COL25A1: variants seen among roughly 807,000 people sequenced by gnomAD.
The protein encoded by COL25A1 is collagen type XXV alpha 1 chain.
Under a neutral mutation model 128.4 loss-of-function variants are expected in COL25A1, and 103 were observed. The observed-to-expected ratio is 0.80, with a 90% CI of 0.68 to 0.94. The LOEUF (loss-of-function observed/expected upper bound fraction) is 0.94, where lower values mean the gene tolerates loss of function less well. Ranked by LOEUF, COL25A1 falls within the 40% of genes least tolerant of loss-of-function variation. The probability of loss-of-function intolerance (pLI) is 0.00; values close to 1 mark genes in which losing one functional copy is unlikely to be tolerated. For missense variants in COL25A1, 745 were observed against 840.0 expected (o/e 0.89, Z 1.40); for synonymous variants, 279 against 277.2 (o/e 1.01, Z -0.06).
chr4:109,211,306 A>C (rs867841415), intron 3 of COL25A1, among the ~76,000 whole-genome samples: 1 of 53,458 alleles, frequency 1.9e-5, no homozygotes, highest in African/African-American at 1.5e-4. Context: ...ATATATATAT[A>C]TATATATATA....
chr4:109,175,306 T>C (rs953995385), intron 3 of COL25A1, among the ~76,000 whole-genome samples: 1 of 152,228 alleles, frequency 6.6e-6, no homozygotes, highest in Non-Finnish European at 1.5e-5. Flanking sequence ...TGCGTTTTTA[T>C]GCAGTTAATA....
At chr4:108,888,269 T>A (rs1741058931) in intron 18 of COL25A1, among the ~76,000 whole-genome samples, 1 of 152,166 alleles carries the variant, frequency 6.6e-6, no homozygotes, top group Non-Finnish European at 1.5e-5. Context: ...AAACCTTATT[T>A]TACTACATCT....
intron 5 of COL25A1, among the ~76,000 whole-genome samples, chr4:109,030,214 A>T (rs1252587648): frequency 1.3e-5 from 2 of 152,196 alleles, no homozygotes; most frequent in East Asian, 3.9e-4. Flanking sequence ...AAGATAGGCT[A>T]TGAAAGAAAT....
At chr4:108,861,106 C>G in intron 22 of COL25A1, 135 bp from the exon 23 acceptor site, 1 of 675,124 alleles carries the variant, frequency 1.5e-6, no homozygotes, top group Non-Finnish European at 2.6e-6. Context: ...CAACCACCAC[C>G]AAAATAGCAA....
chr4:109,206,566 A>T (rs1450085418), intron 3 of COL25A1, among the ~76,000 whole-genome samples: 1 of 152,190 alleles, frequency 6.6e-6, no homozygotes, highest in African/African-American at 2.4e-5. Context: ...TCTAACAAAA[A>T]TCTCATCTCT....
At chr4:109,301,424 G>C (rs1002883004) in intron 2 of COL25A1, among the ~76,000 whole-genome samples, 2 of 151,982 alleles carry the variant, frequency 1.3e-5, no homozygotes, top group African/African-American at 4.8e-5. Flanking sequence ...GTTTGACTTA[G>C]GACAACTAAA....
intron 3 of COL25A1, among the ~76,000 whole-genome samples, chr4:109,178,241 C>G (rs1194551928): frequency 6.6e-6 from 1 of 152,136 alleles, no homozygotes; most frequent in Non-Finnish European, 1.5e-5. Context: ...TACATTTCGC[C>G]TAAAGAATCA....
chr4:109,147,593 G>A (rs1380635803), intron 3 of COL25A1, among the ~76,000 whole-genome samples: 3 of 152,148 alleles, frequency 2.0e-5, no homozygotes, highest in African/African-American at 4.8e-5. Flanking sequence ...AGGGAGGGCA[G>A]ATCACTTGAG....
intron 8 of COL25A1, among the ~76,000 whole-genome samples, chr4:108,968,632 T>C (rs2125982269): frequency 6.6e-6 from 1 of 152,240 alleles, no homozygotes; most frequent in Non-Finnish European, 1.5e-5. Flanking sequence ...TCTAGGGCAG[T>C]ACTCTTCTTA....
rs188677850 is a variant in COL25A1 at position 108,998,473 on chromosome 4, A to C, written c.438+11885T>G. 3.3e-5 allele frequency among the ~76,000 whole-genome samples: 5 copies of C among 152,360 alleles called. No homozygotes were observed. In the East Asian group the frequency reaches 9.6e-4, roughly 29 times the overall value. On this transcript the variant is annotated intron_variant, in intron 6 of 37. Transcript: ENST00000399132. ...GTTCAATGAAATAAAAGATGACACA[A>C]ACAAATGGAAAAACATTCCATGCTC...
intron 13 of COL25A1, among the ~76,000 whole-genome samples, chr4:108,903,529 A>G (rs775989090): frequency 4.6e-5 from 7 of 152,038 alleles, no homozygotes; most frequent in Non-Finnish European, 8.8e-5. Flanking sequence ...TCCAATTTTT[A>G]CTATTAAAGA....
chr4:108,930,095 C>A (rs1221920796), intron 11 of COL25A1, among the ~76,000 whole-genome samples: 1 of 152,004 alleles, frequency 6.6e-6, no homozygotes, highest in Admixed American at 6.6e-5. Context: ...CAGCTTCTAA[C>A]TTAGCTTGGG....
chr4:108,970,539 T>C (rs1751800713), intron 8 of COL25A1, among the ~76,000 whole-genome samples: 1 of 152,228 alleles, frequency 6.6e-6, no homozygotes, highest in Non-Finnish European at 1.5e-5. Flanking sequence ...ACATTTGTAT[T>C]ACCTCACATC....
At chr4:108,895,053 A>C (rs968894995) in intron 16 of COL25A1, among the ~76,000 whole-genome samples, 1 of 152,148 alleles carries the variant, frequency 6.6e-6, no homozygotes, top group Admixed American at 6.5e-5. Context: ...CTGGCCCCAA[A>C]TGTCAATAAT....
intron 3 of COL25A1, among the ~76,000 whole-genome samples, chr4:109,066,413 G>A (rs1449513367): frequency 1.3e-5 from 2 of 152,166 alleles, no homozygotes; most frequent in African/African-American, 4.8e-5. Context: ...ACTATGATTT[G>A]CTGAAAGGCA....
At chr4:108,991,046 T>TAA (rs1754179401) in intron 6 of COL25A1, among the ~76,000 whole-genome samples, 1 of 152,218 alleles carries the variant, frequency 6.6e-6, no homozygotes, top group Non-Finnish European at 1.5e-5. Flanking sequence ...AATATGTACA[T>TAA]TTATTTAACA....
intron 3 of COL25A1, among the ~76,000 whole-genome samples, chr4:109,184,815 G>A (rs1165779234): frequency 2.0e-5 from 3 of 152,088 alleles, no homozygotes; most frequent in Non-Finnish European, 2.9e-5. Flanking sequence ...CTGCCAAGTG[G>A]CTCCCATTCA....
chr4:108,809,075 G>T lies in COL25A1; in HGVS notation c.*4852C>A, dbSNP rs558513020. Reference sequence around the variant, plus strand: ...TTATTTACACTACTGAGATAAACAGGTTTGTGCCATATTTACAGTGATAAG... The same window carrying T: ...TTATTTACACTACTGAGATAAACAGTTTTGTGCCATATTTACAGTGATAAG... On this transcript the variant is annotated 3_prime_UTR_variant, in exon 38 of 38. Coordinates refer to ENST00000399132, the MANE Select transcript of COL25A1 (RefSeq NM_198721.4). 6.6e-6 allele frequency: 1 copy of T among 152,056 alleles called. No individual in the cohort carries two copies. The highest frequency in any genetic ancestry group is 2.1e-4 in the South Asian group (1 of 4,818). The allele number at this position is 152,056 out of a possible 1,614,324, so 9.4% of individuals were successfully genotyped here.
intron 12 of COL25A1, 64 bp downstream of exon 12, chr4:108,920,514 C>T: frequency 7.7e-7 from 1 of 1,293,280 alleles, no homozygotes. Context: ...TCATTCACCT[C>T]TCCTGCTTGC....
Sources: allele counts gnomAD v4.1 joint callset (sites outside exome capture counted in the v4.1 genomes callset), GRCh38; gene constraint gnomAD v4.1.1; transcripts MANE v1.5; gene names NCBI Gene and HGNC (gene_info 2026-07-23, HGNC 2026-07-21).